SMAD2: variants seen among roughly 807,000 people sequenced by gnomAD.
SMAD2 encodes the protein MAD homolog 2.
Under a neutral mutation model 64.4 loss-of-function variants are expected in SMAD2, and 8 were observed. That is an observed-to-expected ratio of 0.12 (90% CI 0.07 to 0.22). SMAD2 has a LOEUF of 0.22. Ranked by LOEUF, SMAD2 falls within the 10% of genes least tolerant of loss-of-function variation. The probability of loss-of-function intolerance (pLI) is 1.00; values close to 1 mark genes in which losing one functional copy is unlikely to be tolerated. For synonymous variants in SMAD2, 203 were observed against 195.8 expected (o/e 1.04, Z -0.31); for missense variants, 289 against 561.2 (o/e 0.51, Z 4.90).
At chr18:47,857,447 T>C in intron 6 of SMAD2, among the ~76,000 whole-genome samples, 1 of 152,198 alleles carries the variant, frequency 6.6e-6, no homozygotes, top group East Asian at 1.9e-4. Context: ...CTGCTTTTGT[T>C]TTTATTAGAA....
intron 2 of SMAD2, among the ~76,000 whole-genome samples, chr18:47,883,798 T>C (rs556246884): frequency 6.6e-6 from 1 of 152,204 alleles, no homozygotes; most frequent in Non-Finnish European, 1.5e-5. Flanking sequence ...AGTTTGACCA[T>C]GATATATCTA....
At chr18:47,912,297 A>C (rs997120115) in intron 1 of SMAD2, 1 of 152,204 alleles carries the variant, frequency 6.6e-6, no homozygotes, top group Non-Finnish European at 1.5e-5. Flanking sequence ...TTCCAGTGAC[A>C]ATTTGCATTT....
At chr18:47,909,890 C>T (rs1307205436) in intron 1 of SMAD2, among the ~76,000 whole-genome samples, 1 of 152,106 alleles carries the variant, frequency 6.6e-6, no homozygotes, top group African/African-American at 2.4e-5. Context: ...ACATTAATAA[C>T]ATCTCTAAAT....
Position 47,845,500 on chromosome 18 carries a change from G to A in SMAD2, c.1136-16C>T, listed in dbSNP as rs1336710816. 1 of 1,611,280 alleles carries A rather than the reference G, an allele frequency of 6.2e-7. No individual in the cohort carries two copies. The highest frequency in any genetic ancestry group is 1.7e-4 in the Middle Eastern group (1 of 6,052). On this transcript the variant is annotated splice_polypyrimidine_tract_variant and intron_variant, in intron 9 of 10. Transcript: ENST00000262160. Reference sequence around the variant, plus strand: ...AGATTACAGCCTATGATTAAAAAAGGTAAAAGAAATTGTCAAAAGAGTATC... The same window carrying A: ...AGATTACAGCCTATGATTAAAAAAGATAAAAGAAATTGTCAAAAGAGTATC...
rs375906542 is a variant in SMAD2, at chr18:47,835,672, T to C, written c.*6155A>G. 7 of 192,642 alleles carry C rather than the reference T, an allele frequency of 3.6e-5. No homozygotes were observed. Among genetic ancestry groups the C allele is most frequent in the South Asian group, 3.9e-4 (2 of 5,180 alleles). The allele number at this position is 192,642 out of a possible 1,614,324, so 11.9% of individuals were successfully genotyped here. On this transcript the variant is annotated 3_prime_UTR_variant, in exon 11 of 11. Transcript: ENST00000262160. The stretch of plus-strand genomic sequence containing the variant: ...TTACCTAGTGATTAACATTGTAAAA[T>C]AGTCAAAAACTTTAAAGCCACAGAG...
intron 2 of SMAD2, among the ~76,000 whole-genome samples, chr18:47,886,605 C>G (rs1244790930): frequency 6.6e-6 from 1 of 151,746 alleles, no homozygotes; most frequent in East Asian, 1.9e-4. Context: ...ATCTATCTAT[C>G]TATCTATCTA....
In SMAD2 at chr18:47,830,957, A is replaced by T. The variant is rs1332806204; in HGVS notation, c.*10870T>A. On this transcript the variant is annotated 3_prime_UTR_variant, in exon 11 of 11. Coordinates refer to ENST00000262160, the MANE Select transcript of SMAD2 (RefSeq NM_005901.6). ...CAAAAAAGTTAACTAAGTTTCACTT[A>T]ATACACACACACACACTAGGGTTTA... The T allele has an allele frequency of 1.4e-5, 2 of 144,944 alleles. No homozygotes were observed. Among genetic ancestry groups the T allele is most frequent in the Admixed American group, 6.7e-5 (1 of 14,910 alleles). The allele number at this position is 144,944 out of a possible 1,614,324, so 9.0% of individuals were successfully genotyped here.
Position 47,848,593 on chromosome 18 carries a change from T to G in SMAD2, c.879A>C (p.Ser293=), listed in dbSNP as rs2144300336. The G allele has an allele frequency of 3.7e-6, 6 of 1,613,722 alleles. No homozygotes were observed. In the South Asian group the frequency reaches 6.6e-5, roughly 18 times the overall value. ...NQRVGETFHA[S]QPSLTVDGFT... ...AGCCATCTACAGTGAGTGAGGGCTG[T>G]GATGCATGGAAGGTTTCTCCAACCC... Residue 293 remains serine (S), a synonymous_variant, in exon 8 of 11, where the codon TCA becomes TCC. Transcript: ENST00000262160.
chr18:47,884,962 T>C (rs1359742268), intron 2 of SMAD2, among the ~76,000 whole-genome samples: 4 of 152,142 alleles, frequency 2.6e-5, no homozygotes, highest in African/African-American at 4.8e-5. Context: ...ACACACAAAA[T>C]AGTCTCTACT....
chr18:47,895,529 CAT>C (rs2033400542), intron 2 of SMAD2: 1 of 152,154 alleles, frequency 6.6e-6, no homozygotes, highest in East Asian at 1.9e-4. Flanking sequence ...CTGTTATCCT[CAT>C]ATGTCTAGAA....
rs878940776 is a variant in SMAD2, at chr18:47,834,246, CTTGTT to C, written c.*7576_*7580del. The C allele has an allele frequency of 4.7e-6, 1 of 210,562 alleles. No individual in the cohort carries two copies. Among genetic ancestry groups the C allele is most frequent in the South Asian group, 1.9e-4 (1 of 5,312 alleles). 13.0% of individuals were successfully genotyped at this position (210,562 alleles called of 1,614,324 possible). On this transcript the variant is annotated 3_prime_UTR_variant, in exon 11 of 11. Transcript: ENST00000262160. ...TCAGCTCCTTCTGGTGTGCCTGGGA[CTTGTT>C]TTGAGTTTAGCAAAAACTTTACAAG...
intron 2 of SMAD2, among the ~76,000 whole-genome samples, chr18:47,875,534 C>T (rs961689406): frequency 6.6e-6 from 1 of 151,912 alleles, no homozygotes; most frequent in Non-Finnish European, 1.5e-5. Context: ...TGGCCAGTTT[C>T]TAAAAAATAT....
chr18:47,862,801 C>G (rs2031283140), intron 6 of SMAD2, among the ~76,000 whole-genome samples: 1 of 152,090 alleles, frequency 6.6e-6, no homozygotes, highest in South Asian at 2.1e-4. Flanking sequence ...ATCTTATGAT[C>G]TATTATATTC....
chr18:47,879,790 C>T (rs1228549567), intron 2 of SMAD2, among the ~76,000 whole-genome samples: 3 of 152,030 alleles, frequency 2.0e-5, no homozygotes, highest in East Asian at 3.9e-4. Context: ...TTTTACAGTC[C>T]TCCCTCTTTC....
chr18:47,919,309 A>G (rs1042336018), intron 1 of SMAD2, among the ~76,000 whole-genome samples: 1 of 152,052 alleles, frequency 6.6e-6, no homozygotes, highest in Admixed American at 6.5e-5. Context: ...ACTCTCCAGG[A>G]AGGTCCTGAA....
rs1379507996 is a variant in SMAD2 at position 47,811,948 on chromosome 18, GAT to G, written c.*29877_*29878del. 6.6e-6 allele frequency: 1 copy of G among 152,218 alleles called. No homozygotes were observed. The highest frequency in any genetic ancestry group is 1.5e-5 in the Non-Finnish European group (1 of 68,046). The allele number at this position is 152,218 out of a possible 1,614,324, so 9.4% of individuals were successfully genotyped here. A position where few individuals can be genotyped will look rare whatever the true frequency, so the allele number is the denominator to read the frequency against. ...AAAAAGGAAATGTTTGGGAAAAAGTGATTTTAGCCTCTGACCTCAAGGTGCTT... is the reference window on the plus strand; with the variant it reads ...AAAAAGGAAATGTTTGGGAAAAAGTGTTTAGCCTCTGACCTCAAGGTGCTT... On this transcript the variant is annotated 3_prime_UTR_variant, in exon 11 of 11. Transcript: ENST00000262160.
intron 1 of SMAD2, among the ~76,000 whole-genome samples, chr18:47,898,072 CAAT>C (rs2033518095): frequency 6.6e-6 from 1 of 152,178 alleles, no homozygotes; most frequent in African/African-American, 2.4e-5. Context: ...AATGATCAGA[CAAT>C]AGTTTTTAAA....
At chr18:47,907,579 C>T (rs1209206030) in intron 1 of SMAD2, among the ~76,000 whole-genome samples, 2 of 152,202 alleles carry the variant, frequency 1.3e-5, no homozygotes, top group Non-Finnish European at 2.9e-5. Context: ...TTTATTCCCT[C>T]GCTCCTGTAA....
chr18:47,868,224 A>G, intron 5 of SMAD2, 99 bp downstream of exon 5: 1 of 1,045,324 alleles, frequency 9.6e-7, no homozygotes, highest in Non-Finnish European at 1.5e-6. Flanking sequence ...ACTCAAAAGC[A>G]TTTTTAAAAA....
Sources: gnomAD v4.1 joint callset for allele counts (sites outside exome capture counted in the v4.1 genomes callset) on GRCh38, gnomAD v4.1.1 for gene constraint, MANE v1.5 for transcripts, NCBI Gene and HGNC (gene_info 2026-07-23, HGNC 2026-07-21) for gene names.